The following ITPR2 variants were observed in gnomAD, a reference collection of about 807,000 sequenced individuals.
ITPR2 encodes the protein inositol 1,4,5-trisphosphate-gated calcium channel ITPR2.
Under a neutral mutation model 317.1 loss-of-function variants are expected in ITPR2, and 207 were observed. The observed-to-expected ratio is 0.65, with a 90% CI of 0.58 to 0.73. The LOEUF (loss-of-function observed/expected upper bound fraction) is 0.73. Ranked by LOEUF, ITPR2 falls within the 30% of genes least tolerant of loss-of-function variation. The pLI is 0.00. For missense variants in ITPR2, 2,613 were observed against 3,284.0 expected, an observed-to-expected ratio of 0.80 and a Z score of 4.99; for synonymous variants, 1,156 against 1,149.1, an observed-to-expected ratio of 1.01 and a Z score of -0.12.
At chr12:26,745,945 T>A (rs1949315314) in intron 2 of ITPR2, among the ~76,000 whole-genome samples, 2 of 152,196 alleles carry the variant, frequency 1.3e-5, no homozygotes, top group South Asian at 4.1e-4. Context: ...AGAAACCCAC[T>A]TCTCAGACTC....
intron 5 of ITPR2, among the ~76,000 whole-genome samples, chr12:26,717,716 C>T (rs1196058709): frequency 6.6e-6 from 1 of 151,914 alleles, no homozygotes; most frequent in African/African-American, 2.4e-5. Flanking sequence ...CCAGTGCATA[C>T]CTGAGGAAGA....
chr12:26,662,157 G>A (rs1238395956), intron 15 of ITPR2, among the ~76,000 whole-genome samples: 1 of 152,052 alleles, frequency 6.6e-6, no homozygotes, highest in Non-Finnish European at 1.5e-5. Context: ...ACAGAATTGT[G>A]AAGCCAAAAC....
chr12:26,570,497 G>A (rs1191836138), intron 34 of ITPR2, among the ~76,000 whole-genome samples: 1 of 152,142 alleles, frequency 6.6e-6, no homozygotes, highest in Non-Finnish European at 1.5e-5. Flanking sequence ...TTATTTAATA[G>A]AGACTGAATT....
At chr12:26,433,713 A>C (rs1941279046) in intron 48 of ITPR2, among the ~76,000 whole-genome samples, 1 of 152,174 alleles carries the variant, frequency 6.6e-6, no homozygotes, top group Non-Finnish European at 1.5e-5. Flanking sequence ...ATAAGGCACA[A>C]TAGTAAAGAC....
rs1024592885 is a variant in ITPR2, at chr12:26,681,891, T to C, written c.1392A>G (p.Ile464Met). ...TTVKKLENGT[I>M]TQNERRFVTK... ...AGAGTTACCTCCTTTCATTCTGAGTTATTGTGCCGTTTTCTAGCTTTTTAA... is the reference window on the plus strand; with the variant it reads ...AGAGTTACCTCCTTTCATTCTGAGTCATTGTGCCGTTTTCTAGCTTTTTAA... The change falls in exon 13 of 57, where the codon ATA becomes ATG. Residue 464 changes from isoleucine to methionine, a missense_variant. This residue lies in a region of ITPR2 where 515 missense variants were observed against 789.4 expected (regional missense o/e 0.65). Transcript: ENST00000381340. 3.1e-6 allele frequency: 5 copies of C among 1,611,602 alleles called. No homozygotes were observed. The African/African-American group carries it at 5.3e-5, about 17-fold the overall frequency.
intron 2 of ITPR2, among the ~76,000 whole-genome samples, chr12:26,733,156 A>T (rs549044085): frequency 3.9e-5 from 6 of 152,122 alleles, no homozygotes; most frequent in African/African-American, 1.2e-4. Flanking sequence ...TCTACTAAAA[A>T]TACAAAAATT....
At chr12:26,652,214 C>T (rs1306020732) in intron 21 of ITPR2, among the ~76,000 whole-genome samples, 1 of 152,214 alleles carries the variant, frequency 6.6e-6, no homozygotes, top group Non-Finnish European at 1.5e-5. Flanking sequence ...CACCAGGCAG[C>T]TGTACTAAAA....
At chr12:26,629,402 C>A (rs1190835527) in intron 22 of ITPR2, among the ~76,000 whole-genome samples, 1 of 152,166 alleles carries the variant, frequency 6.6e-6, no homozygotes, top group Non-Finnish European at 1.5e-5. Flanking sequence ...GCCTGGGCAA[C>A]ATGGCGAAGT....
intron 1 of ITPR2, among the ~76,000 whole-genome samples, chr12:26,813,530 C>T (rs557748445): frequency 6.6e-6 from 1 of 152,122 alleles, no homozygotes; most frequent in Non-Finnish European, 1.5e-5. Context: ...TCAGAAACTC[C>T]CCTCCCTTTT....
chr12:26,390,255 C>A (rs1271212891), intron 54 of ITPR2, among the ~76,000 whole-genome samples: 1 of 152,142 alleles, frequency 6.6e-6, no homozygotes, highest in East Asian at 1.9e-4. Flanking sequence ...ATAACCCACT[C>A]CTGGGTATAT....
intron 37 of ITPR2, among the ~76,000 whole-genome samples, chr12:26,511,632 T>C (rs1374105702): frequency 6.6e-6 from 1 of 152,244 alleles, no homozygotes; most frequent in Non-Finnish European, 1.5e-5. Flanking sequence ...GAATTCATAT[T>C]CTTGCTTTTC....
chr12:26,470,107 A>G (rs1942262963), intron 45 of ITPR2, among the ~76,000 whole-genome samples: 2 of 152,108 alleles, frequency 1.3e-5, no homozygotes, highest in Non-Finnish European at 2.9e-5. Context: ...AGATGGCTAG[A>G]TTTTGGCCCT....
chr12:26,466,098 T>C (rs184818187), intron 45 of ITPR2, among the ~76,000 whole-genome samples: 1 of 152,348 alleles, frequency 6.6e-6, no homozygotes, highest in Admixed American at 6.5e-5. Context: ...AGTCTGTCTA[T>C]AAGGTGAATA....
Position 26,604,933 on chromosome 12 carries a change from C to A in ITPR2, c.3463-2227G>T, listed in dbSNP as rs867162845. Among the ~76,000 whole-genome samples, 42 of 151,624 alleles carry A rather than the reference C, an allele frequency of 2.8e-4. No homozygotes were observed. The Middle Eastern group carries it at 0.01, about 37-fold the overall frequency. On this transcript the variant is annotated intron_variant, in intron 26 of 56. Coordinates refer to ENST00000381340, the MANE Select transcript of ITPR2 (RefSeq NM_002223.4). ...GTCTGGCCCATCTCTACTAAAAATA[C>A]AAAAATTAGCTGGATGTGGTGGTGG...
intron 37 of ITPR2, among the ~76,000 whole-genome samples, chr12:26,507,729 A>G (rs16930912): frequency 0.011 from 1,661 of 152,294 alleles, 83 homozygotes; most frequent in Admixed American, 0.079. Context: ...GAGGTAAACC[A>G]GCTTTTCTGA....
chr12:26,362,515 T>A (rs571286467), intron 55 of ITPR2, among the ~76,000 whole-genome samples: 8 of 152,280 alleles, frequency 5.3e-5, no homozygotes, highest in Non-Finnish European at 1.2e-4. Flanking sequence ...CGGATAGACT[T>A]TTACTGTCTA....
intron 9 of ITPR2, among the ~76,000 whole-genome samples, chr12:26,708,388 C>G (rs955499256): frequency 6.6e-5 from 10 of 152,104 alleles, no homozygotes; most frequent in Non-Finnish European, 1.5e-4. Flanking sequence ...AAATGTAGTA[C>G]CTGTTCACAG....
chr12:26,415,610 G>C, intron 50 of ITPR2, 112 bp from the exon 51 acceptor site: 1 of 680,916 alleles, frequency 1.5e-6, no homozygotes, highest in Non-Finnish European at 2.3e-6. Flanking sequence ...TATATATAAA[G>C]AAATAACCTA....
chr12:26,707,526 C>CTATTT (rs1041261217), intron 9 of ITPR2, among the ~76,000 whole-genome samples: 1 of 152,032 alleles, frequency 6.6e-6, no homozygotes, highest in South Asian at 2.1e-4. Flanking sequence ...AAAACCTGGG[C>CTATTT]TATTTTATTT....
Sources: allele counts gnomAD v4.1 joint callset (sites outside exome capture counted in the v4.1 genomes callset), GRCh38; gene constraint gnomAD v4.1.1; regional missense constraint gnomAD v4.1.1; transcripts MANE v1.5; gene names NCBI Gene and HGNC (gene_info 2026-07-23, HGNC 2026-07-21).